Variants in POLR3B observed in about 807,000 individuals in gnomAD.
POLR3B encodes DNA-directed RNA polymerase III subunit RPC2.
In POLR3B, 96 loss-of-function variants were observed where a neutral mutation model predicts 147.4. That is an observed-to-expected ratio of 0.65 (90% CI 0.55 to 0.77). POLR3B has a LOEUF of 0.77. POLR3B is among the 30% of genes least tolerant of loss of function. POLR3B has a pLI of 0.00. For missense variants in POLR3B, 1,036 were observed against 1,413.5 expected (o/e 0.73, Z 4.28); for synonymous variants, 461 against 485.9 (o/e 0.95, Z 0.67).
intron 12 of POLR3B, 143 bp downstream of exon 12, chr12:106,411,103 C>G: frequency 2.9e-6 from 2 of 700,978 alleles, no homozygotes; most frequent in Non-Finnish European, 4.8e-6. Context: ...TTATTATCTC[C>G]TAGAATTCCT....
chr12:106,479,093 C>T (rs1429321045), intron 23 of POLR3B, among the ~76,000 whole-genome samples: 1 of 152,054 alleles, frequency 6.6e-6, no homozygotes, highest in Non-Finnish European at 1.5e-5. Context: ...TTGTGCTGGG[C>T]AATTGGACAC....
chr12:106,483,455 C>T (rs2038296197), intron 23 of POLR3B, among the ~76,000 whole-genome samples: 4 of 152,078 alleles, frequency 2.6e-5, no homozygotes, highest in Admixed American at 2.6e-4. Flanking sequence ...AGTTGACTGA[C>T]ACCTGAAGCA....
rs886048902 is a variant in POLR3B at position 106,509,481 on chromosome 12, C to G, written c.3334C>G (p.Leu1112Val). 5.6e-6 allele frequency: 9 copies of G among 1,612,004 alleles called. No homozygotes were observed. The highest frequency in any genetic ancestry group is 7.6e-6 in the Non-Finnish European group (9 of 1,178,106). Residue 1112 changes from leucine to valine, a missense_variant, in exon 28 of 28, where the codon CTG becomes GTG. Physicochemically the swap from Leu to Val is conservative, Grantham distance 32. This residue lies in a region of POLR3B where 69 missense variants were observed against 89.8 expected (regional missense o/e 0.77). Coordinates refer to ENST00000228347, the MANE Select transcript of POLR3B (RefSeq NM_018082.6). ...SSLRIPYACK[L>V]LFQELQSMNI... ...CCTCCGTATTCCGTATGCCTGCAAG[C>G]TGCTCTTCCAGGAACTACAGTCTAT...
chr12:106,463,474 C>G lies in POLR3B; in HGVS notation c.2571-4C>G. On this transcript the variant is annotated splice_polypyrimidine_tract_variant and splice_region_variant and intron_variant, in intron 22 of 27. Transcript: ENST00000228347. ...CTGTTTTAGTGACTTTCTCTTAACA[C>G]CAGCTACAAAGGAGCAACAGACTCA... The G allele has an allele frequency of 6.2e-7, 1 of 1,612,928 alleles. No individual in the cohort carries two copies. Among genetic ancestry groups the G allele is most frequent in the Non-Finnish European group, 8.5e-7 (1 of 1,179,086 alleles).
chr12:106,484,252 G>A (rs955311848), intron 23 of POLR3B, among the ~76,000 whole-genome samples: 5 of 152,144 alleles, frequency 3.3e-5, no homozygotes, highest in African/African-American at 9.7e-5. Flanking sequence ...GTTTTAATCC[G>A]GTAAACGATG....
At chr12:106,364,432 G>A (rs1047358792) in intron 2 of POLR3B, among the ~76,000 whole-genome samples, 2 of 152,216 alleles carry the variant, frequency 1.3e-5, no homozygotes, top group African/African-American at 2.4e-5. Flanking sequence ...GCACCCGCTA[G>A]GATAGCTATA....
At chr12:106,450,484 T>G (rs1249943351) in intron 19 of POLR3B, among the ~76,000 whole-genome samples, 3 of 152,166 alleles carry the variant, frequency 2.0e-5, no homozygotes, top group African/African-American at 7.2e-5. Flanking sequence ...TATTCAAGTA[T>G]ATATAAAGAA....
At chr12:106,374,181 C>T (rs1019850682) in intron 6 of POLR3B, among the ~76,000 whole-genome samples, 1 of 152,124 alleles carries the variant, frequency 6.6e-6, no homozygotes, top group African/African-American at 2.4e-5. Flanking sequence ...CTTTGACTTA[C>T]ATGCTTTTGT....
intron 7 of POLR3B, among the ~76,000 whole-genome samples, chr12:106,377,994 G>A (rs1189876616): frequency 1.3e-5 from 2 of 152,108 alleles, no homozygotes; most frequent in African/African-American, 4.8e-5. Context: ...AGACTGGGGC[G>A]GGCGAATCAC....
At chr12:106,476,918 C>T (rs7962132) in intron 23 of POLR3B, among the ~76,000 whole-genome samples, 44,233 of 149,822 alleles carry the variant, frequency 0.3, 8,473 homozygotes, top group African/African-American at 0.55. Context: ...TGAGGAACTG[C>T]ATTCCTTTGG....
chr12:106,357,985 A>T, intron 1 of POLR3B, 34 bp downstream of exon 1: 1 of 1,608,226 alleles, frequency 6.2e-7, no homozygotes, highest in Non-Finnish European at 8.5e-7. Flanking sequence ...CGTCAGGGAC[A>T]AGGATGCGCC....
intron 19 of POLR3B, among the ~76,000 whole-genome samples, chr12:106,450,571 C>A (rs1454097309): frequency 1.3e-5 from 2 of 152,132 alleles, no homozygotes; most frequent in Non-Finnish European, 2.9e-5. Context: ...AAAGTTTTGG[C>A]ATGACCAAAT....
intron 26 of POLR3B, among the ~76,000 whole-genome samples, chr12:106,502,092 C>T (rs901659626): frequency 6.6e-6 from 1 of 152,100 alleles, no homozygotes; most frequent in African/African-American, 2.4e-5. Flanking sequence ...TGGTTCTCAG[C>T]CAGGGATGAT....
At chr12:106,501,938 G>A (rs7963514) in intron 26 of POLR3B, among the ~76,000 whole-genome samples, 144,634 of 152,356 alleles carry the variant, frequency 0.95, 68,693 homozygotes, top group East Asian at 1. Context: ...CATGTGCCCC[G>A]TTCACAGGTG....
In POLR3B at chr12:106,496,676, T is replaced by C. The variant is rs531510958; in HGVS notation, c.2818-76T>C. The C allele has an allele frequency of 7.2e-6, 9 of 1,253,322 alleles. No individual in the cohort carries two copies. In the Admixed American group the frequency reaches 8.7e-5, roughly 12 times the overall value. The allele number at this position is 1,253,322 out of a possible 1,614,324, so 77.6% of individuals were successfully genotyped here. A position where few individuals can be genotyped will look rare whatever the true frequency, so the allele number is the denominator to read the frequency against. On this transcript the variant is annotated intron_variant, in intron 24 of 27. Coordinates refer to ENST00000228347, the MANE Select transcript of POLR3B (RefSeq NM_018082.6). ...GTTATTAATAGTGGTCGTGGGGAAA[T>C]GAGCTGGAGATAAATAAGCAGAGAG...
At chr12:106,419,881 G>A (rs1327037858) in intron 12 of POLR3B, among the ~76,000 whole-genome samples, 2 of 144,188 alleles carry the variant, frequency 1.4e-5, no homozygotes, top group East Asian at 4.4e-4. Flanking sequence ...TCAAAATGGT[G>A]GCTTAAAACA....
At chr12:106,451,660 A>C in intron 19 of POLR3B, among the ~76,000 whole-genome samples, 1 of 136,824 alleles carries the variant, frequency 7.3e-6, no homozygotes. Context: ...GGAGGGAAGG[A>C]GAGGGGAGGA....
chr12:106,457,085 C>CT (rs2037874645), intron 20 of POLR3B, 53 bp from the exon 21 acceptor site: 1 of 1,499,526 alleles, frequency 6.7e-7, no homozygotes, highest in Non-Finnish European at 9.3e-7. Flanking sequence ...TCCATATTTC[C>CT]TTATAGCTTT....
intron 9 of POLR3B, among the ~76,000 whole-genome samples, chr12:106,388,537 T>C (rs559569992): frequency 1.3e-5 from 2 of 152,234 alleles, no homozygotes; most frequent in Admixed American, 6.5e-5. Flanking sequence ...AGGATGGTCT[T>C]GATCTCCTGA....
Sources: gnomAD v4.1 joint callset for allele counts (sites outside exome capture counted in the v4.1 genomes callset) on GRCh38, gnomAD v4.1.1 for gene constraint, gnomAD v4.1.1 regional missense constraint, MANE v1.5 for transcripts, NCBI Gene and HGNC (gene_info 2026-07-23, HGNC 2026-07-21) for gene names.